NOL10: variants seen among roughly 807,000 people sequenced by gnomAD.
NOL10 encodes nucleolar protein 10, also known as H_NH0074G24.1.
A neutral mutation model predicts 103.5 loss-of-function variants in NOL10; 58 were observed. That is an observed-to-expected ratio of 0.56 (90% confidence interval 0.45 to 0.70). The LOEUF is 0.70. Ranked by LOEUF, NOL10 falls within the 30% of genes least tolerant of loss-of-function variation. NOL10 has a pLI of 0.00. For missense variants in NOL10, 763 were observed against 807.3 expected, an observed-to-expected ratio of 0.95 and a Z score of 0.67; for synonymous variants, 287 against 282.5, an observed-to-expected ratio of 1.02 and a Z score of -0.16.
intron 13 of NOL10, among the ~76,000 whole-genome samples, chr2:10,628,047 A>G (rs1677594293): frequency 6.6e-6 from 1 of 152,092 alleles, no homozygotes; most frequent in African/African-American, 2.4e-5. Context: ...ACTGCCTCCC[A>G]TTGTCTGACA....
chr2:10,635,233 A>G (rs1367095835), intron 13 of NOL10, among the ~76,000 whole-genome samples: 1 of 152,190 alleles, frequency 6.6e-6, no homozygotes, highest in East Asian at 1.9e-4. Context: ...TGGATTTTCC[A>G]CTTGTGGAGT....
At chr2:10,674,531 A>T (rs1681165693) in intron 4 of NOL10, among the ~76,000 whole-genome samples, 1 of 152,200 alleles carries the variant, frequency 6.6e-6, no homozygotes, top group African/African-American at 2.4e-5. Context: ...ATTTATAATC[A>T]TATGAGCCCT....
At chr2:10,589,910 G>A (rs184181201) in intron 17 of NOL10, 159 bp from the exon 18 acceptor site, 94 of 454,886 alleles carry the variant, frequency 2.1e-4, no homozygotes, top group African/African-American at 1.8e-3. Context: ...CTTTCAACGT[G>A]CCCCTAGGTT....
rs11684157 is a variant in NOL10, at chr2:10,687,031, C to G, written c.67-2419G>C. Among the ~76,000 whole-genome samples the G allele has an allele frequency of 2.6e-5, 4 of 152,058 alleles. No individual in the cohort carries two copies. The East Asian group carries it at 5.8e-4, about 22-fold the overall frequency. On this transcript the variant is annotated intron_variant, in intron 1 of 20. Transcript: ENST00000381685. ...GATGTGCTTAAAGCCAGGAGACTGC[C>G]TAGGATCACCAGGGGAGTAAACGTA... is the stretch of plus-strand genomic sequence containing the variant.
chr2:10,606,106 C>T (rs1423919396), intron 14 of NOL10, among the ~76,000 whole-genome samples: 1 of 152,116 alleles, frequency 6.6e-6, no homozygotes, highest in Non-Finnish European at 1.5e-5. Context: ...GAGGGCTAGG[C>T]AAGCAGGCGC....
Position 10,682,013 on chromosome 2 carries a change from T to A in NOL10, c.169A>T (p.Thr57Ser). 1 of 1,526,868 alleles carries A rather than the reference T, an allele frequency of 6.5e-7. No individual in the cohort carries two copies. Among genetic ancestry groups the A allele is most frequent in the Non-Finnish European group, 8.8e-7 (1 of 1,134,244 alleles). The allele number at this position is 1,526,868 out of a possible 1,614,324, so 94.6% of individuals were successfully genotyped here. ...QDFEMPTVCT[T>S]IKVSKDGQYI... ...TGTCCATCTTTTGACACCTTAATAG[T>A]GGTACACACAGTAGGCATTTCAAAG... Residue 57 changes from threonine (T) to serine (S), a missense_variant, in exon 3 of 21, where the codon ACT (threonine) becomes TCT (serine). Coordinates refer to ENST00000381685, the MANE Select transcript of NOL10 (RefSeq NM_024894.4).
chr2:10,577,509 C>G, intron 20 of NOL10, 127 bp downstream of exon 20: 1 of 686,252 alleles, frequency 1.5e-6, no homozygotes, highest in Non-Finnish European at 2.4e-6. Context: ...AATGTTAGAA[C>G]AGGGAACACA....
intron 9 of NOL10, among the ~76,000 whole-genome samples, chr2:10,660,163 C>T (rs1007537826): frequency 6.6e-6 from 1 of 152,158 alleles, no homozygotes; most frequent in Non-Finnish European, 1.5e-5. Context: ...TCTCTTCTGC[C>T]ACCTAGAGCT....
chr2:10,682,793 CTCTT>C (rs1262982621), intron 2 of NOL10, among the ~76,000 whole-genome samples: 1 of 151,218 alleles, frequency 6.6e-6, no homozygotes, highest in African/African-American at 2.4e-5. Flanking sequence ...ACTCTCCAAA[CTCTT>C]TTTTTTTGAG....
chr2:10,658,544 G>T (rs1679992432), intron 10 of NOL10, among the ~76,000 whole-genome samples: 1 of 152,032 alleles, frequency 6.6e-6, no homozygotes, highest in Non-Finnish European at 1.5e-5. Context: ...ACCACTCATG[G>T]CATGTGCTAT....
rs1675094737 is a variant in NOL10 at position 10,587,098 on chromosome 2, CACATATAT to C, written c.1844+1937_1844+1944del. 2.3e-4 allele frequency among the ~76,000 whole-genome samples: 10 copies of C among 44,090 alleles called. 1 individual carries two copies. The highest frequency in any genetic ancestry group is 1.4e-3 in the African/African-American group (9 of 6,592). The allele number at this position is 44,090 out of a possible 152,430, so 28.9% of individuals were successfully genotyped here. The stretch of plus-strand genomic sequence containing the variant: ...ATATACATATATATACATATATATA[CACATATAT>C]ATACATATATATACATATATATACA... On this transcript the variant is annotated intron_variant, in intron 19 of 20. Coordinates refer to ENST00000381685, the MANE Select transcript of NOL10 (RefSeq NM_024894.4).
chr2:10,664,410 C>A (rs1572404394), intron 8 of NOL10, among the ~76,000 whole-genome samples: 1 of 148,838 alleles, frequency 6.7e-6, no homozygotes. Flanking sequence ...AAGACTGTCT[C>A]AAAAAAAAAC....
chr2:10,578,112 T>C (rs1216225968), intron 19 of NOL10, among the ~76,000 whole-genome samples: 1 of 152,216 alleles, frequency 6.6e-6, no homozygotes, highest in Non-Finnish European at 1.5e-5. Flanking sequence ...ATTTATGATA[T>C]AATGATATAT....
Position 10,589,595 on chromosome 2 carries a change from G to C in NOL10, c.1579C>G (p.Gln527Glu), listed in dbSNP as rs77305277. ...RKKKLRLLEQQELREKEEEEE... is the reference protein window; with the variant it reads ...RKKKLRLLEQEELREKEEEEE... ...TACATTACTTTTTCACGAAGTTCTTGTTGCTCTAAGAGTCTTAGTTTCTTC... is the reference window on the plus strand; with the variant it reads ...TACATTACTTTTTCACGAAGTTCTTCTTGCTCTAAGAGTCTTAGTTTCTTC... The change falls in exon 18 of 21, where the codon CAA becomes GAA. Residue 527 changes from glutamine (Q) to glutamate (E), a missense_variant. By Grantham distance (29) the Gln-to-Glu change is conservative (BLOSUM62 2). Coordinates refer to ENST00000381685, the MANE Select transcript of NOL10 (RefSeq NM_024894.4). 57 of 1,569,068 alleles carry C rather than the reference G, an allele frequency of 3.6e-5. No individual in the cohort carries two copies. The highest frequency in any genetic ancestry group is 2.9e-4 in the East Asian group (13 of 44,360).
At chr2:10,686,990 T>C (rs1473246706) in intron 1 of NOL10, among the ~76,000 whole-genome samples, 1 of 152,230 alleles carries the variant, frequency 6.6e-6, no homozygotes, top group African/African-American at 2.4e-5. Context: ...ATCAATGTGA[T>C]AGTTATCGAT....
intron 13 of NOL10, among the ~76,000 whole-genome samples, chr2:10,641,173 A>G (rs1465981152): frequency 7.1e-6 from 1 of 140,048 alleles, no homozygotes; most frequent in African/African-American, 2.7e-5. Context: ...ATACAAAAAT[A>G]CAAAAAAAAA....
At chr2:10,638,310 G>GACGTA (rs1678421445) in intron 13 of NOL10, among the ~76,000 whole-genome samples, 1 of 71,012 alleles carries the variant, frequency 1.4e-5, no homozygotes, top group Non-Finnish European at 3.5e-5. Flanking sequence ...AACGTGACGT[G>GACGTA]ACGTGACGTG....
At chr2:10,636,871 A>G (rs1431718324) in intron 13 of NOL10, among the ~76,000 whole-genome samples, 1 of 152,150 alleles carries the variant, frequency 6.6e-6, no homozygotes, top group Non-Finnish European at 1.5e-5. Flanking sequence ...CACAGACAGA[A>G]GTTAAAATTG....
intron 12 of NOL10, among the ~76,000 whole-genome samples, chr2:10,650,445 C>T (rs555377634): frequency 5.3e-5 from 8 of 152,222 alleles, no homozygotes; most frequent in African/African-American, 1.9e-4. Flanking sequence ...GGATTACAGG[C>T]GTGAGCCACT....
Sources: gnomAD v4.1 joint callset for allele counts (sites outside exome capture counted in the v4.1 genomes callset) on GRCh38, gnomAD v4.1.1 for gene constraint, MANE v1.5 for transcripts, NCBI Gene and HGNC (gene_info 2026-07-23, HGNC 2026-07-21) for gene names.